Variants in CALY observed in about 807,000 individuals in gnomAD.
CALY encodes neuron-specific vesicular protein calcyon.
Under a neutral mutation model 20.2 loss-of-function variants are expected in CALY, and 15 were observed. The observed-to-expected ratio is 0.74, with a 90% CI of 0.50 to 1.14. The LOEUF (loss-of-function observed/expected upper bound fraction) is 1.14, where lower values mean the gene tolerates loss of function less well. Among genes scored for constraint, CALY ranks in the 50% most tolerant of loss-of-function variants. The probability of loss-of-function intolerance (pLI) is 0.00; values close to 1 mark genes in which losing one functional copy is unlikely to be tolerated. For missense variants in CALY, 270 were observed against 304.4 expected (o/e 0.89, Z 0.84); for synonymous variants, 129 against 131.8 (o/e 0.98, Z 0.15).
At chr10:133,334,625 G>A (rs1348524249) in intron 1 of CALY, among the ~76,000 whole-genome samples, 1 of 151,156 alleles carries the variant, frequency 6.6e-6, no homozygotes, top group Admixed American at 6.6e-5. Flanking sequence ...AAGGGGGAAG[G>A]ATCAGGGGAG....
chr10:133,324,467 G>A lies in CALY; in HGVS notation c.*1128C>T, dbSNP rs1406601991. On this transcript the variant is annotated 3_prime_UTR_variant, in exon 6 of 6. Coordinates refer to ENST00000252939, the MANE Select transcript of CALY (RefSeq NM_015722.4). ...TTCCATCCACCAATGGTCGGGGGCTGGGGTGGGCGGGGCTGCAGAGCCGCT... is the reference window on the plus strand; with the variant it reads ...TTCCATCCACCAATGGTCGGGGGCTAGGGTGGGCGGGGCTGCAGAGCCGCT... The A allele has an allele frequency of 2.2e-6, 1 of 450,406 alleles. No individual in the cohort carries two copies. Among genetic ancestry groups the A allele is most frequent in the Non-Finnish European group, 4.4e-6 (1 of 224,788 alleles). The allele number at this position is 450,406 out of a possible 1,614,324, so 27.9% of individuals were successfully genotyped here. A position where few individuals can be genotyped will look rare whatever the true frequency, so the allele number is the denominator to read the frequency against.
intron 5 of CALY, 23 bp downstream of exon 5, chr10:133,325,776 G>T: frequency 9.3e-7 from 1 of 1,072,954 alleles, no homozygotes; most frequent in Non-Finnish European, 1.2e-6. Flanking sequence ...AGAGCCGGCC[G>T]GAGCCCCGCG....
intron 2 of CALY, among the ~76,000 whole-genome samples, 165 bp from the exon 3 acceptor site, chr10:133,328,180 G>C (rs1418797386): frequency 3.9e-5 from 6 of 152,198 alleles, no homozygotes; most frequent in Non-Finnish European, 8.8e-5. Flanking sequence ...CAGCCACAAA[G>C]TGAGGCCAAG....
At chr10:133,334,026 G>A (rs202194840) in intron 1 of CALY, among the ~76,000 whole-genome samples, 1 of 38,628 alleles carries the variant, frequency 2.6e-5, no homozygotes, top group Non-Finnish European at 4.8e-5. Context: ...GATCTGAGGG[G>A]GGAAGGATCT....
Position 133,326,958 on chromosome 10 carries a change from C to T in CALY, c.280G>A (p.Ala94Thr). The T allele has an allele frequency of 1.2e-6, 2 of 1,610,670 alleles. No individual in the cohort carries two copies. Among genetic ancestry groups the T allele is most frequent in the South Asian group, 1.1e-5 (1 of 90,104 alleles). The change falls in exon 4 of 6, where the codon GCG (alanine) becomes ACG (threonine). Residue 94 changes from alanine (A) to threonine (T), a missense_variant. Transcript: ENST00000252939. The stretch of plus-strand genomic sequence containing the variant: ...ATGATCAGCACGCAGCCCAGTAGCG[C>T]CATGGCGAAGGCGATCATCCGTGCG... The part of the protein sequence containing the change: ...PTARMIAFAM[A>T]LLGCVLIMYK...
At chr10:133,326,178 C>T (rs2136167146) in intron 4 of CALY, 58 bp from the exon 5 acceptor site, 1 of 1,565,762 alleles carries the variant, frequency 6.4e-7, no homozygotes, top group South Asian at 1.2e-5. Context: ...CGCCCCGGGC[C>T]CAGGCCCTCC....
At position 133,325,998 on chromosome 10, in the gene CALY, C is replaced by T. The variant is rs781422402; in HGVS notation, c.483G>A (p.Thr161=). The part of the protein sequence containing the change: ...YPLSRKHGTE[T]PAAWGDGYRA... ...GGTAGCCGTCCCCCCAGGCCGCCGG[C>T]GTCTCCGTGCCGTGCTTGCGGCTCA... Residue 161 remains threonine (T), a synonymous_variant, in exon 5 of 6, where the codon ACG becomes ACA. Coordinates refer to ENST00000252939, the MANE Select transcript of CALY (RefSeq NM_015722.4). 6.4e-7 allele frequency: 1 copy of T among 1,568,114 alleles called. No homozygotes were observed. The highest frequency in any genetic ancestry group is 1.2e-5 in the South Asian group (1 of 85,908).
At position 133,328,925 on chromosome 10, in the gene CALY, G is replaced by A. The variant is rs1376528994; in HGVS notation, c.65C>T (p.Ala22Val). The change falls in exon 2 of 6, where the codon GCT (alanine) becomes GTT (valine). Residue 22 changes from alanine to valine, a missense_variant. By Grantham distance (64) the Ala-to-Val change is moderately conservative. Coordinates refer to ENST00000252939, the MANE Select transcript of CALY (RefSeq NM_015722.4). ...PGKDPGDQDG[A>V]AMDSVPLISP... is the part of the protein sequence containing the mutation. ...GATCAGAGGCACACTGTCCATGGCA[G>A]CCCCATCCTGGTCCCCAGGGTCTTT... 7 of 1,557,966 alleles carry A rather than the reference G, an allele frequency of 4.5e-6. No individual in the cohort carries two copies. In the South Asian group the frequency reaches 8.3e-5, roughly 18 times the overall value.
At position 133,324,438 on chromosome 10, in the gene CALY, G is replaced by C. The variant is rs891653488; in HGVS notation, c.*1157C>G. ...AGCAAGCCTGGGAGCCAATGGTGGG[G>C]GGCTTCCATCCACCAATGGTCGGGG... On this transcript the variant is annotated 3_prime_UTR_variant, in exon 6 of 6. Coordinates refer to ENST00000252939, the MANE Select transcript of CALY (RefSeq NM_015722.4). The C allele has an allele frequency of 1.7e-4, 75 of 454,142 alleles. No homozygotes were observed. The highest frequency in any genetic ancestry group is 1.2e-3 in the Admixed American group (51 of 42,520). The allele number at this position is 454,142 out of a possible 1,614,324, so 28.1% of individuals were successfully genotyped here.
intron 2 of CALY, 135 bp from the exon 3 acceptor site, chr10:133,328,150 G>T: frequency 1.5e-6 from 1 of 647,518 alleles, no homozygotes; most frequent in Non-Finnish European, 2.8e-6. Context: ...AGGACTGTCT[G>T]GTGGATGGCA....
chr10:133,326,803 C>A, intron 4 of CALY, 75 bp downstream of exon 4: 1 of 935,274 alleles, frequency 1.1e-6, no homozygotes, highest in Non-Finnish European at 1.7e-6. Context: ...AGGAGACACC[C>A]CTGCCACCCC....
rs1328905134 is a variant in CALY, at chr10:133,324,590, C to G, written c.*1005G>C. 1.3e-5 allele frequency: 1 copy of G among 79,854 alleles called. No individual in the cohort carries two copies. Among genetic ancestry groups the G allele is most frequent in the Admixed American group, 2.0e-4 (1 of 5,028 alleles). 4.9% of individuals were successfully genotyped at this position (79,854 alleles called of 1,614,324 possible). ...TGGGGTGGGCGGGGCTGCAGAGCTG[C>G]TGCTGGCTGGGGTGGGCGGGGCTGC... On this transcript the variant is annotated 3_prime_UTR_variant, in exon 6 of 6. Coordinates refer to ENST00000252939, the MANE Select transcript of CALY (RefSeq NM_015722.4).
Position 133,325,987 on chromosome 10 carries a change from C to T in CALY, c.494G>A (p.Trp165Ter). The T allele has an allele frequency of 6.4e-7, 1 of 1,558,472 alleles. No individual in the cohort carries two copies. Among genetic ancestry groups the T allele is most frequent in the Non-Finnish European group, 8.7e-7 (1 of 1,151,250 alleles). ...RKHGTETPAA[W>*]GDGYRAAKEE... ...CTTGGCTGCGCGGTAGCCGTCCCCC[C>T]AGGCCGCCGGCGTCTCCGTGCCGTG... Residue 165 changes from tryptophan (W) to a stop codon, truncating the protein, a stop_gained, in exon 5 of 6, where the codon TGG becomes TAG. Coordinates refer to ENST00000252939, the MANE Select transcript of CALY (RefSeq NM_015722.4). LOFTEE classifies it high-confidence loss of function.
At chr10:133,327,554 G>T in intron 3 of CALY, 1 of 578,964 alleles carries the variant, frequency 1.7e-6, no homozygotes, top group East Asian at 2.8e-5. Flanking sequence ...ATATTTGCCA[G>T]ATATACTGCA....
intron 1 of CALY, among the ~76,000 whole-genome samples, chr10:133,330,350 CAA>C (rs59986083): frequency 0.21 from 7,694 of 36,506 alleles, 256 homozygotes; most frequent in Non-Finnish European, 0.23. Flanking sequence ...GAAACTCTGC[CAA>C]AAAAAAAAAA....
At chr10:133,331,688 CTA>C (rs1053434659) in intron 1 of CALY, among the ~76,000 whole-genome samples, 2 of 152,082 alleles carry the variant, frequency 1.3e-5, no homozygotes, top group African/African-American at 4.8e-5. Context: ...TTGGGAGTTT[CTA>C]TGTTTAAACA....
Position 133,326,037 on chromosome 10 carries a change from G to T in CALY, c.444C>A (p.Ile148=), listed in dbSNP as rs151251649. The T allele has an allele frequency of 1.9e-6, 3 of 1,591,830 alleles. No individual in the cohort carries two copies. The South Asian group carries it at 3.4e-5, about 18-fold the overall frequency. The change falls in exon 5 of 6, where the codon ATC becomes ATA. Residue 148 remains isoleucine, a synonymous_variant. Coordinates refer to ENST00000252939, the MANE Select transcript of CALY (RefSeq NM_015722.4). ...GCTTGCGGCTCAGCGGGTAGGCCCC[G>T]ATGGCCGCCAGGATGCTGCGGTGGC... ...PERHRSILAA[I]GAYPLSRKHG... is the part of the protein sequence containing the mutation.
chr10:133,334,712 G>A (rs1041838730), intron 1 of CALY, among the ~76,000 whole-genome samples: 4 of 151,938 alleles, frequency 2.6e-5, no homozygotes, highest in African/African-American at 9.7e-5. Flanking sequence ...GAGTGCGGCC[G>A]GTGAACGAGG....
intron 2 of CALY, 146 bp downstream of exon 2, chr10:133,328,709 G>T (rs1025154248): frequency 1.1e-6 from 1 of 928,342 alleles, no homozygotes. Context: ...AGTGCCCATG[G>T]CCAGCTGGGG....
Sources: allele counts gnomAD v4.1 joint callset (sites outside exome capture counted in the v4.1 genomes callset), GRCh38; gene constraint gnomAD v4.1.1; transcripts MANE v1.5; gene names NCBI Gene and HGNC (gene_info 2026-07-23, HGNC 2026-07-21).